The following DSE variants were observed in gnomAD, a reference collection of about 807,000 sequenced individuals.
DSE encodes dermatan sulfate epimerase.
DSE carries 36 observed loss-of-function variants against 84.4 expected under a neutral mutation model. The ratio of observed to expected loss-of-function variants is 0.43; its 90% CI spans 0.33 to 0.56. DSE has a LOEUF of 0.56. Among genes scored for constraint, DSE ranks in the 20% least tolerant of loss-of-function variants. The pLI is 0.06. For missense variants in DSE, 862 were observed against 1,169.6 expected (o/e 0.74, Z 3.84); for synonymous variants, 410 against 430.1 (o/e 0.95, Z 0.58).
chr6:116,284,694 G>A (rs1004343095), intron 2 of DSE, among the ~76,000 whole-genome samples: 14 of 111,420 alleles, frequency 1.3e-4, no homozygotes, highest in East Asian at 7.8e-4. Flanking sequence ...GATAGGCCCC[G>A]GTGTGTGATG....
At chr6:116,340,491 T>A (rs566541031) in intron 2 of DSE, among the ~76,000 whole-genome samples, 29 of 152,274 alleles carry the variant, frequency 1.9e-4, no homozygotes, top group South Asian at 4.1e-4. Context: ...TGTCATTTTT[T>A]TTATTATTAT....
intron 1 of DSE, among the ~76,000 whole-genome samples, chr6:116,380,185 A>G (rs989814868): frequency 6.6e-6 from 1 of 152,118 alleles, no homozygotes; most frequent in Non-Finnish European, 1.5e-5. Flanking sequence ...AGGATATTTT[A>G]CTTTAGTGAT....
At chr6:116,359,566 A>C (rs1367339027) in intron 2 of DSE, among the ~76,000 whole-genome samples, 1 of 152,186 alleles carries the variant, frequency 6.6e-6, no homozygotes, top group Admixed American at 6.5e-5. Context: ...TAAAATTCAG[A>C]AGCTTCTTGT....
In DSE at chr6:116,439,206, G is replaced by A. The variant is rs553860184; in HGVS notation, c.*1861G>A. On this transcript the variant is annotated 3_prime_UTR_variant, in exon 6 of 6. Coordinates refer to ENST00000644252, the MANE Select transcript of DSE (RefSeq NM_013352.4). ...AAAAAAAAAAGGAAAATTATTCTTT[G>A]AGGTTACCAAGCAAACCTGATCTCA... 6.6e-6 allele frequency: 1 copy of A among 152,098 alleles called. No individual in the cohort carries two copies. Among genetic ancestry groups the A allele is most frequent in the East Asian group, 1.9e-4 (1 of 5,172 alleles). The allele number at this position is 152,098 out of a possible 1,614,324, so 9.4% of individuals were successfully genotyped here. A position where few individuals can be genotyped will look rare whatever the true frequency, so the allele number is the denominator to read the frequency against.
intron 2 of DSE, among the ~76,000 whole-genome samples, chr6:116,286,415 G>C (rs1773909877): frequency 6.6e-6 from 1 of 152,046 alleles, no homozygotes; most frequent in African/African-American, 2.4e-5. Context: ...TGTAAGGAAA[G>C]TACCCAATTA....
At chr6:116,366,075 C>T (rs926377024), upstream of DSE, 3 of 152,210 alleles carry the variant, frequency 2.0e-5, no homozygotes, top group Non-Finnish European at 4.4e-5. Context: ...GTTCTCATTC[C>T]TTGGCAGGTA....
intron 2 of DSE, among the ~76,000 whole-genome samples, chr6:116,272,380 G>C (rs1772919771): frequency 6.6e-6 from 1 of 152,162 alleles, no homozygotes; most frequent in African/African-American, 2.4e-5. Context: ...CAGAAGTAAA[G>C]CATATCACTA....
rs1402156002 is a variant in DSE at position 116,339,612 on chromosome 6, A to G, written c.-53-59586A>G. Among the ~76,000 whole-genome samples, 4 of 152,362 alleles carry G rather than the reference A, an allele frequency of 2.6e-5. No homozygotes were observed. The East Asian group carries it at 7.7e-4, about 29-fold the overall frequency. ...AAATCCAGTTACTGCTGTAGGATCA[A>G]TCTGGGTGAGCAAGTAATGAAAGCC... On this transcript the variant is annotated intron_variant, in intron 2 of 3. Transcript: ENST00000430252.
upstream of DSE, among the ~76,000 whole-genome samples, chr6:116,369,350 A>G (rs1272761364): frequency 6.6e-6 from 1 of 152,374 alleles, no homozygotes; most frequent in African/African-American, 2.4e-5. Flanking sequence ...ACACTTACGG[A>G]TTACATAATA....
intron 2 of DSE, among the ~76,000 whole-genome samples, chr6:116,299,615 T>G (rs908478782): frequency 2.9e-5 from 4 of 138,188 alleles, no homozygotes; most frequent in Non-Finnish European, 3.2e-5. Context: ...TATGTATGTA[T>G]GTAGGTAGGT....
chr6:116,371,693 C>T (rs1260101031), intron 1 of DSE, among the ~76,000 whole-genome samples: 1 of 152,214 alleles, frequency 6.6e-6, no homozygotes, highest in Non-Finnish European at 1.5e-5. Flanking sequence ...CTCCTGGGCT[C>T]CGCCGGCACT....
At chr6:116,323,860 T>G (rs934490657) in intron 2 of DSE, among the ~76,000 whole-genome samples, 1 of 152,194 alleles carries the variant, frequency 6.6e-6, no homozygotes, top group South Asian at 2.1e-4. Flanking sequence ...ATACCTTTCT[T>G]CTCATTCCCT....
At chr6:116,274,522 A>G (rs972640048) in intron 2 of DSE, among the ~76,000 whole-genome samples, 7 of 151,962 alleles carry the variant, frequency 4.6e-5, no homozygotes, top group Non-Finnish European at 8.8e-5. Flanking sequence ...GAAGCTTGCC[A>G]TGAGCCGAGA....
chr6:116,294,052 C>T (rs1486210240), intron 2 of DSE, among the ~76,000 whole-genome samples: 1 of 151,866 alleles, frequency 6.6e-6, no homozygotes, highest in Admixed American at 6.6e-5. Flanking sequence ...GAGACAAGGT[C>T]TCACTCTGTC....
chr6:116,401,476 G>A (rs914710295), intron 2 of DSE, among the ~76,000 whole-genome samples: 2 of 151,958 alleles, frequency 1.3e-5, no homozygotes, highest in Non-Finnish European at 2.9e-5. Flanking sequence ...TGACCTTCAA[G>A]GTAAAATCTT....
chr6:116,328,358 G>A (rs2114782384), intron 2 of DSE, among the ~76,000 whole-genome samples: 1 of 152,292 alleles, frequency 6.6e-6, no homozygotes, highest in East Asian at 1.9e-4. Flanking sequence ...TTCACATTAT[G>A]AGTCACTTAG....
rs551977430 is a variant in DSE, at chr6:116,415,073, T to C, written c.417-11501T>C. On this transcript the variant is annotated intron_variant, in intron 2 of 5. Transcript: ENST00000644252. ...CTTGAATTGGATTCCTTGTGCCATG[T>C]CTTCTTTTTGATATACATCCTAATT... Among the ~76,000 whole-genome samples, 4 of 152,374 alleles carry C rather than the reference T, an allele frequency of 2.6e-5. No homozygotes were observed. The East Asian group carries it at 7.7e-4, about 29-fold the overall frequency.
chr6:116,368,816 A>G (rs1317986473), upstream of DSE, among the ~76,000 whole-genome samples: 2 of 151,958 alleles, frequency 1.3e-5, no homozygotes, highest in Non-Finnish European at 2.9e-5. Flanking sequence ...GATGGAGTTA[A>G]TATGTACCCA....
intron 2 of DSE, among the ~76,000 whole-genome samples, chr6:116,345,135 A>G (rs539758880): frequency 6.6e-6 from 1 of 152,338 alleles, no homozygotes; most frequent in South Asian, 2.1e-4. Context: ...TTAGAGACCT[A>G]CAAAGAGACT....
Sources: gnomAD v4.1 joint callset for allele counts (sites outside exome capture counted in the v4.1 genomes callset) on GRCh38, gnomAD v4.1.1 for gene constraint, MANE v1.5 for transcripts, NCBI Gene and HGNC (gene_info 2026-07-23, HGNC 2026-07-21) for gene names.